The following DLC1 variants were observed in gnomAD, a reference collection of about 807,000 sequenced individuals.
DLC1 encodes the protein DLC1 Rho GTPase activating protein.
In DLC1, 54 loss-of-function variants were observed where a neutral mutation model predicts 140.3. The observed-to-expected ratio is 0.38, with a 90% CI of 0.31 to 0.48. The LOEUF is 0.48. Ranked by LOEUF, DLC1 falls within the 20% of genes least tolerant of loss-of-function variation. The probability of loss-of-function intolerance (pLI) is 0.96; values close to 1 mark genes in which losing one functional copy is unlikely to be tolerated. For synonymous variants in DLC1, 986 were observed against 728.1 expected (o/e 1.35, Z -5.70); for missense variants, 2,536 against 1,907.0 (o/e 1.33, Z -6.14).
chr8:13,437,847 A>G (rs1839191806), intron 2 of DLC1, among the ~76,000 whole-genome samples: 1 of 152,120 alleles, frequency 6.6e-6, no homozygotes, highest in Non-Finnish European at 1.5e-5. Context: ...TGAGATCTCT[A>G]AAGGCCATTT....
chr8:13,362,638 AC>A (rs1298824556), intron 4 of DLC1, among the ~76,000 whole-genome samples: 2 of 152,004 alleles, frequency 1.3e-5, no homozygotes, highest in African/African-American at 4.8e-5. Context: ...TGTTACTAAA[AC>A]AAAACTATAA....
chr8:13,519,460 A>G (rs1377425162), upstream of DLC1, among the ~76,000 whole-genome samples: 1 of 152,118 alleles, frequency 6.6e-6, no homozygotes, highest in African/African-American at 2.4e-5. Flanking sequence ...TCACTTTTGT[A>G]GACACATCCA....
intron 1 of DLC1, among the ~76,000 whole-genome samples, chr8:13,551,935 G>T (rs1020249080): frequency 2.3e-4 from 32 of 138,332 alleles, no homozygotes; most frequent in Middle Eastern, 4.4e-3. Flanking sequence ...CAGTATATAG[G>T]TATATATATG....
intron 2 of DLC1, among the ~76,000 whole-genome samples, chr8:13,449,281 A>G (rs1156412886): frequency 6.6e-6 from 1 of 152,190 alleles, no homozygotes; most frequent in Non-Finnish European, 1.5e-5. Context: ...TAGAGTTGAT[A>G]TAATAGAGAG....
intron 2 of DLC1, among the ~76,000 whole-genome samples, chr8:13,461,799 C>T (rs1266032270): frequency 6.6e-6 from 1 of 152,138 alleles, no homozygotes; most frequent in Non-Finnish European, 1.5e-5. Flanking sequence ...CATCTCTCCT[C>T]TCTGATGCCG....
chr8:13,308,765 T>C (rs562612854), intron 4 of DLC1, among the ~76,000 whole-genome samples: 2 of 152,256 alleles, frequency 1.3e-5, no homozygotes, highest in South Asian at 2.1e-4. Flanking sequence ...GCGAAGAATA[T>C]AGATCATTAG....
intron 5 of DLC1, among the ~76,000 whole-genome samples, chr8:13,151,692 T>G (rs1286909670): frequency 1.3e-5 from 2 of 152,240 alleles, no homozygotes; most frequent in African/African-American, 2.4e-5. Flanking sequence ...GCCTACTCTT[T>G]GCACCCAAGT....
chr8:13,221,001 A>C (rs1261604637), intron 5 of DLC1, among the ~76,000 whole-genome samples: 5 of 152,158 alleles, frequency 3.3e-5, no homozygotes, highest in Admixed American at 3.3e-4. Flanking sequence ...TCACATTTTA[A>C]ATTTAATGGT....
intron 2 of DLC1, among the ~76,000 whole-genome samples, chr8:13,463,722 G>T (rs1403171995): frequency 2.0e-5 from 3 of 152,160 alleles, no homozygotes; most frequent in Non-Finnish European, 4.4e-5. Context: ...ATTATTCTCT[G>T]ATGAGGAAAC....
At chr8:13,464,242 G>A (rs1014682144) in intron 2 of DLC1, among the ~76,000 whole-genome samples, 17 of 152,028 alleles carry the variant, frequency 1.1e-4, no homozygotes, top group African/African-American at 4.1e-4. Context: ...CAGGGTCAGA[G>A]GTAATTGAGA....
At chr8:13,241,837 C>T (rs191435946) in intron 5 of DLC1, among the ~76,000 whole-genome samples, 8 of 152,168 alleles carry the variant, frequency 5.3e-5, no homozygotes, top group African/African-American at 1.4e-4. Context: ...ATCCAGACCC[C>T]GGGGTCCTTT....
At chr8:13,566,874 G>GA (rs1207299105) in intron 1 of DLC1, 127 of 1,305,758 alleles carry the variant, frequency 9.7e-5, no homozygotes, top group Admixed American at 1.3e-4. Context: ...CCCGGAAGAC[G>GA]ACCTCCGCAG....
At chr8:13,599,793 A>G (rs1316926620) in intron 1 of DLC1, among the ~76,000 whole-genome samples, 2 of 151,958 alleles carry the variant, frequency 1.3e-5, no homozygotes, top group African/African-American at 4.8e-5. Context: ...GGAAATGCAA[A>G]GGTCCTTTAG....
chr8:13,149,631 T>C (rs915281788), intron 5 of DLC1, among the ~76,000 whole-genome samples: 5 of 152,238 alleles, frequency 3.3e-5, no homozygotes, highest in Non-Finnish European at 7.3e-5. Flanking sequence ...CCAACATTAA[T>C]ATTTTTCACG....
At chr8:13,202,399 A>G (rs1345304090) in intron 5 of DLC1, among the ~76,000 whole-genome samples, 3 of 152,168 alleles carry the variant, frequency 2.0e-5, no homozygotes, top group Non-Finnish European at 4.4e-5. Context: ...ATCACCTCAA[A>G]CACTTGCCAT....
intron 4 of DLC1, among the ~76,000 whole-genome samples, chr8:13,359,401 C>T (rs1835115102): frequency 6.6e-6 from 1 of 152,154 alleles, no homozygotes; most frequent in African/African-American, 2.4e-5. Context: ...ATGGGTCTTA[C>T]TTCAAAAGAC....
chr8:13,264,162 G>A (rs1008857938), intron 5 of DLC1, among the ~76,000 whole-genome samples: 10 of 151,822 alleles, frequency 6.6e-5, no homozygotes, highest in Admixed American at 3.3e-4. Flanking sequence ...TCTCCCTCCC[G>A]GGTTCAAGCG....
At position 13,416,159 on chromosome 8, in the gene DLC1, T is replaced by C. The variant is rs553600347; in HGVS notation, c.1024-14540A>G. 6.6e-5 allele frequency among the ~76,000 whole-genome samples: 10 copies of C among 152,340 alleles called. No homozygotes were observed. The East Asian group carries it at 1.2e-3, about 18-fold the overall frequency. The stretch of plus-strand genomic sequence containing the variant: ...CTAGGGGTCCCATGTTATTCTTCTC[T>C]GGACTTATCACTTTGGTCCTGTTTC... On this transcript the variant is annotated intron_variant, in intron 2 of 17. Coordinates refer to ENST00000276297, the MANE Select transcript of DLC1 (RefSeq NM_182643.3).
At chr8:13,451,364 T>C (rs1799050210) in intron 2 of DLC1, among the ~76,000 whole-genome samples, 1 of 152,186 alleles carries the variant, frequency 6.6e-6, no homozygotes, top group South Asian at 2.1e-4. Flanking sequence ...ACCCTTTGTG[T>C]AATAGACAAT....
Sources: gnomAD v4.1 joint callset for allele counts (sites outside exome capture counted in the v4.1 genomes callset) on GRCh38, gnomAD v4.1.1 for gene constraint, MANE v1.5 for transcripts, NCBI Gene and HGNC (gene_info 2026-07-23, HGNC 2026-07-21) for gene names.